ADAMTS10: variants seen among roughly 807,000 people sequenced by gnomAD.
ADAMTS10 encodes ADAM metallopeptidase with thrombospondin type 1 motif 10.
A neutral mutation model predicts 135.9 loss-of-function variants in ADAMTS10; 48 were observed. The ratio of observed to expected loss-of-function variants is 0.35; its 90% CI spans 0.28 to 0.45. The LOEUF (loss-of-function observed/expected upper bound fraction) is 0.45. ADAMTS10 is among the 20% of genes least tolerant of loss of function. ADAMTS10 has a pLI of 1.00. For missense variants in ADAMTS10, 1,131 were observed against 1,565.2 expected, an observed-to-expected ratio of 0.72 and a Z score of 4.68; for synonymous variants, 621 against 647.5, an observed-to-expected ratio of 0.96 and a Z score of 0.62.
intron 25 of ADAMTS10, chr19:8,581,309 G>C (rs1348293346): frequency 4.8e-5 from 10 of 210,354 alleles, no homozygotes; most frequent in Non-Finnish European, 8.6e-5. Context: ...CTATCAAAGG[G>C]GGCTTATAAT....
Position 8,601,195 on chromosome 19 carries a change from G to C in ADAMTS10, c.593-50C>G. 6.3e-7 allele frequency: 1 copy of C among 1,589,876 alleles called. No individual in the cohort carries two copies. The highest frequency in any genetic ancestry group is 8.6e-7 in the Non-Finnish European group (1 of 1,169,208). The stretch of plus-strand genomic sequence containing the variant: ...AGCCCTGCCCTGCTGGTGGGACGCA[G>C]AGCTGCCTGACAACTGTCTTGTCCA... On this transcript the variant is annotated intron_variant, in intron 5 of 25. Transcript: ENST00000597188. The surrounding 1 kb of genome is among the most constrained non-coding windows in gnomAD (Gnocchi z 4.6).
chr19:8,595,709 G>GCCCCCC, intron 12 of ADAMTS10, 53 bp downstream of exon 12: 3 of 798,696 alleles, frequency 3.8e-6, no homozygotes, highest in Non-Finnish European at 5.8e-6. Flanking sequence ...CCCTCCCCCA[G>GCCCCCC]CCCCAGCGGC....
intron 2 of ADAMTS10, among the ~76,000 whole-genome samples, chr19:8,607,099 G>A (rs781899604): frequency 2.6e-5 from 4 of 152,256 alleles, no homozygotes; most frequent in Non-Finnish European, 5.9e-5. Flanking sequence ...AGAGGCACTT[G>A]AAGGGGGGGC....
At chr19:8,585,794 A>T in intron 22 of ADAMTS10, 134 bp from the exon 23 acceptor site, 1 of 952,626 alleles carries the variant, frequency 1.0e-6, no homozygotes, top group Non-Finnish European at 1.6e-6. Flanking sequence ...GCACCTCCAC[A>T]TTCCACACTT....
Position 8,585,059 on chromosome 19 carries a change from G to GAGGGTGC in ADAMTS10, c.3043-6_3043-5insGCACCCT. ...GACGCCGCACTGTGCAGAGCACTGC[G>GAGGGTGC]AGGGGGCACCACTCAGTTGCTGCCC... On this transcript the variant is annotated splice_polypyrimidine_tract_variant and splice_region_variant and intron_variant, in intron 24 of 25. Coordinates refer to ENST00000597188, the MANE Select transcript of ADAMTS10 (RefSeq NM_030957.4). 1.3e-6 allele frequency: 2 copies of GAGGGTGC among 1,516,736 alleles called. No homozygotes were observed. The highest frequency in any genetic ancestry group is 1.8e-6 in the Non-Finnish European group (2 of 1,135,054). 94.0% of individuals were successfully genotyped at this position (1,516,736 alleles called of 1,614,324 possible). A position where few individuals can be genotyped will look rare whatever the true frequency, so the allele number is the denominator to read the frequency against.
At chr19:8,602,905 G>A (rs2146097744) in intron 5 of ADAMTS10, among the ~76,000 whole-genome samples, 1 of 152,334 alleles carries the variant, frequency 6.6e-6, no homozygotes, top group East Asian at 1.9e-4. Flanking sequence ...AGGATTACAG[G>A]TGTGAGCCAC....
chr19:8,595,839 C>T lies in ADAMTS10; in HGVS notation c.1402G>A (p.Ala468Thr), dbSNP rs2042596672. 6.2e-7 allele frequency: 1 copy of T among 1,614,214 alleles called. No individual in the cohort carries two copies. ...PRQDFVYPTV[A>T]PGQAYDADEQ... ...TCTGCATCGTAGGCTTGGCCCGGTG[C>T]CACTGTCGGGTACACAAAGTCCTGT... Residue 468 changes from alanine to threonine, a missense_variant, in exon 12 of 26, where the codon GCA (alanine) becomes ACA (threonine). This residue lies in a region of ADAMTS10 where 745 missense variants were observed against 1,056.3 expected (regional missense o/e 0.71). Transcript: ENST00000597188.
chr19:8,582,669 T>A (rs1367647800), intron 25 of ADAMTS10: 2 of 16,554 alleles, frequency 1.2e-4, no homozygotes, highest in African/African-American at 1.1e-3. Flanking sequence ...TACAGATGGA[T>A]TTTTTTTTTT....
chr19:8,594,101 C>T (rs564933281), intron 12 of ADAMTS10, among the ~76,000 whole-genome samples: 7 of 152,332 alleles, frequency 4.6e-5, no homozygotes, highest in South Asian at 2.1e-4. Context: ...TCAGTCCTGT[C>T]GCAATCCCAC....
At position 8,601,787 on chromosome 19, in the gene ADAMTS10, A is replaced by AT. The variant is rs376310312; in HGVS notation, c.593-643dup. Among the ~76,000 whole-genome samples the AT allele has an allele frequency of 5.2e-4, 79 of 152,270 alleles. No homozygotes were observed. The highest frequency in any genetic ancestry group is 1.6e-3 in the African/African-American group (65 of 41,550). ...TCCCTCTGCCAAACTGTTGAGTTGA[A>AT]TAACAGCCTGACTTCTCCCACTGTT... On this transcript the variant is annotated intron_variant, in intron 5 of 25. Transcript: ENST00000597188. The surrounding 1 kb of genome is among the most constrained non-coding windows in gnomAD (Gnocchi z 4.6).
At chr19:8,587,128 T>A (rs2042444122) in intron 18 of ADAMTS10, among the ~76,000 whole-genome samples, 1 of 151,968 alleles carries the variant, frequency 6.6e-6, no homozygotes, top group African/African-American at 2.4e-5. Context: ...AGCTAGGAAA[T>A]GACTGGGTTA....
At position 8,581,016 on chromosome 19, in the gene ADAMTS10, AGAAG is replaced by A; in HGVS notation, c.3203-18_3203-15del. Reference sequence around the variant, plus strand: ...CATCCTTGCACTCTGCGGGGACGGGAGAAGGAAGGAAAAATCAGGTCTCAGCTGC... The same window carrying A: ...CATCCTTGCACTCTGCGGGGACGGGAGAAGGAAAAATCAGGTCTCAGCTGC... On this transcript the variant is annotated splice_polypyrimidine_tract_variant and intron_variant, in intron 25 of 25. Coordinates refer to ENST00000597188, the MANE Select transcript of ADAMTS10 (RefSeq NM_030957.4). 1 of 1,598,636 alleles carries A rather than the reference AGAAG, an allele frequency of 6.3e-7. No homozygotes were observed. Among genetic ancestry groups the A allele is most frequent in the Non-Finnish European group, 8.6e-7 (1 of 1,169,296 alleles).
intron 12 of ADAMTS10, among the ~76,000 whole-genome samples, chr19:8,595,073 C>G (rs1327734557): frequency 5.3e-5 from 8 of 152,126 alleles, no homozygotes; most frequent in African/African-American, 1.9e-4. Context: ...GAACCTGGGC[C>G]CCTAGGGCTG....
Position 8,597,110 on chromosome 19 carries a change from T to C in ADAMTS10, c.917A>G (p.His306Arg). Residue 306 changes from histidine (H) to arginine (R), a missense_variant, in exon 8 of 26, where the codon CAT becomes CGT. His to Arg is a conservative substitution (Grantham distance 29). Transcript: ENST00000597188. Reference protein sequence around the residue: ...EDQPTLEITHHAGKSLDSFCK... With the variant: ...EDQPTLEITHRAGKSLDSFCK... ...GAAGCTGTCCAGGGACTTCCCGGCATGGTGGGTGATCTCCAGAGTGGGCTG... is the reference window on the plus strand; with the variant it reads ...GAAGCTGTCCAGGGACTTCCCGGCACGGTGGGTGATCTCCAGAGTGGGCTG... The C allele has an allele frequency of 6.2e-7, 1 of 1,614,098 alleles. No homozygotes were observed. The highest frequency in any genetic ancestry group is 8.5e-7 in the Non-Finnish European group (1 of 1,180,014).
chr19:8,585,189 C>T lies in ADAMTS10; in HGVS notation c.2985G>A (p.Met995Ile), dbSNP rs1555736594. 1.4e-6 allele frequency: 2 copies of T among 1,418,342 alleles called. No homozygotes were observed. Among genetic ancestry groups the T allele is most frequent in the Non-Finnish European group, 1.8e-6 (2 of 1,090,972 alleles). 87.9% of individuals were successfully genotyped at this position (1,418,342 alleles called of 1,614,324 possible). A position where few individuals can be genotyped will look rare whatever the true frequency, so the allele number is the denominator to read the frequency against. ...GGGGGCAGCGGCGCAAGTTGCAGCG[C>T]ATGGTGGCCGGTGGCTTGGCGGCGG... ...CSPAAKPPAT[M>I]RCNLRRCPPA... The change falls in exon 24 of 26, where the codon ATG (methionine) becomes ATA (isoleucine). Residue 995 changes from methionine to isoleucine, a missense_variant. This residue lies in a region of ADAMTS10 where 745 missense variants were observed against 1,056.3 expected (regional missense o/e 0.71). Transcript: ENST00000597188.
Position 8,586,844 on chromosome 19 carries a change from C to T in ADAMTS10, c.2211G>A (p.Gln737=). Reference sequence around the variant, plus strand: ...AGTGACTGAGAGAGAGGTTCAGATCCTGGATGAAGATGTGGACGGAGCCTT... The same window carrying T: ...AGTGACTGAGAGAGAGGTTCAGATCTTGGATGAAGATGTGGACGGAGCCTT... ...IPKGSVHIFI[Q]DLNLSLSHLA... The change falls in exon 19 of 26, where the codon CAG becomes CAA. Residue 737 remains glutamine, a synonymous_variant. Coordinates refer to ENST00000597188, the MANE Select transcript of ADAMTS10 (RefSeq NM_030957.4). The T allele has an allele frequency of 3.7e-6, 6 of 1,614,202 alleles. No individual in the cohort carries two copies. The highest frequency in any genetic ancestry group is 5.1e-6 in the Non-Finnish European group (6 of 1,180,030).
chr19:8,595,679 G>C, intron 12 of ADAMTS10, 83 bp downstream of exon 12: 1 of 1,405,840 alleles, frequency 7.1e-7, no homozygotes, highest in Non-Finnish European at 9.7e-7. Context: ...CACTTCCCAG[G>C]TGGGTGCCCT....
chr19:8,589,734 T>C lies in ADAMTS10; in HGVS notation c.1901-149A>G. On this transcript the variant is annotated intron_variant, in intron 16 of 25. Transcript: ENST00000597188. ...GGGAGTGGGGGCTCCCAGCGTCACG[T>C]TGAACCCCCATGGTACCGTATCCCA... The C allele has an allele frequency of 2.1e-6, 3 of 1,436,850 alleles. No individual in the cohort carries two copies. The East Asian group carries it at 7.3e-5, about 35-fold the overall frequency. The allele number at this position is 1,436,850 out of a possible 1,614,324, so 89.0% of individuals were successfully genotyped here. A position where few individuals can be genotyped will look rare whatever the true frequency, so the allele number is the denominator to read the frequency against.
intron 18 of ADAMTS10, among the ~76,000 whole-genome samples, chr19:8,587,333 C>CTTTTTTTTTTT (rs559435857): frequency 6.2e-4 from 48 of 77,472 alleles, no homozygotes; most frequent in East Asian, 9.8e-4. Flanking sequence ...ACTAAAAAAC[C>CTTTTTTTTTTT]TTTTTTTTTT....
Sources: gnomAD v4.1 joint callset for allele counts (sites outside exome capture counted in the v4.1 genomes callset) on GRCh38, gnomAD v4.1.1 for gene constraint, gnomAD v4.1.1 regional missense constraint, Gnocchi (gnomAD v3.1) non-coding constraint, MANE v1.5 for transcripts, NCBI Gene and HGNC (gene_info 2026-07-23, HGNC 2026-07-21) for gene names.